The following AKAIN1 variants were observed in gnomAD, a reference collection of about 807,000 sequenced individuals.
AKAIN1 encodes the protein A-kinase anchor protein inhibitor 1.
Under a neutral mutation model 3.7 loss-of-function variants are expected in AKAIN1, and 3 were observed. The observed-to-expected ratio is 0.82, with a 90% confidence interval of 0.37 to 2.12. The LOEUF is 2.12. Ranked by LOEUF, AKAIN1 falls within the 30% of genes most tolerant of loss-of-function variation. The pLI is 0.06. For missense variants in AKAIN1, 82 were observed against 82.7 expected, an observed-to-expected ratio of 0.99 and a Z score of 0.03; for synonymous variants, 31 against 30.8, an observed-to-expected ratio of 1.01 and a Z score of -0.02.
chr18:5,183,854 T>C lies in AKAIN1; in HGVS notation c.16+13184A>G, dbSNP rs185815408. Among the ~76,000 whole-genome samples the C allele has an allele frequency of 8.9e-3, 1,350 of 151,968 alleles. 22 individuals are homozygous for C. Among genetic ancestry groups the C allele is most frequent in the African/African-American group, 0.031 (1,303 of 41,380 alleles). ...GTTTAAAGATACCTTACTTAACATA[T>C]GCTGTTGATTCATTAACATTGATTT... is the stretch of plus-strand genomic sequence containing the variant. On this transcript the variant is annotated intron_variant, in intron 1 of 1. Transcript: ENST00000434239.
Position 5,160,376 on chromosome 18 carries a change from C to T in AKAIN1, c.17-14621G>A, listed in dbSNP as rs1004422126. 3.3e-5 allele frequency among the ~76,000 whole-genome samples: 5 copies of T among 152,252 alleles called. No homozygotes were observed. The South Asian group carries it at 8.3e-4, about 25-fold the overall frequency. Reference sequence around the variant, plus strand: ...CTATTCAGAGATTGATTTATGATGACGATTCCCCTTTTTATGAGGTACCCG... The same window carrying T: ...CTATTCAGAGATTGATTTATGATGATGATTCCCCTTTTTATGAGGTACCCG... On this transcript the variant is annotated intron_variant, in intron 1 of 1. Transcript: ENST00000434239.
intron 1 of AKAIN1, among the ~76,000 whole-genome samples, chr18:5,165,157 T>C (rs762066779): frequency 2.6e-5 from 4 of 151,954 alleles, no homozygotes; most frequent in Non-Finnish European, 5.9e-5. Flanking sequence ...CAAGGGCCCA[T>C]TAAAAGAGAT....
chr18:5,192,931 T>A (rs2071330131), intron 1 of AKAIN1, among the ~76,000 whole-genome samples: 1 of 152,192 alleles, frequency 6.6e-6, no homozygotes, highest in Non-Finnish European at 1.5e-5. Flanking sequence ...AAAGCCAATT[T>A]TTCTGTATGT....
intron 1 of AKAIN1, among the ~76,000 whole-genome samples, chr18:5,181,360 A>G (rs2007842): frequency 0.49 from 74,886 of 151,982 alleles, 18,674 homozygotes; most frequent in Middle Eastern, 0.55. Context: ...TTGTCTGCTC[A>G]TTGCAGCAAA....
Position 5,183,158 on chromosome 18 carries a change from C to T in AKAIN1, c.16+13880G>A, listed in dbSNP as rs148925906. 2.3e-3 allele frequency among the ~76,000 whole-genome samples: 349 copies of T among 151,998 alleles called. 5 individuals are homozygous for T. The South Asian group carries it at 0.026, about 11-fold the overall frequency. ...GAAAGGAAAAATATAAATAATGGCA[C>T]CTTTTGCTCTATGTCTTTTTTAAAA... On this transcript the variant is annotated intron_variant, in intron 1 of 1. Coordinates refer to ENST00000434239, the MANE Select transcript of AKAIN1 (RefSeq NM_001145194.2).
At chr18:5,156,430 G>T (rs2143321668) in intron 1 of AKAIN1, among the ~76,000 whole-genome samples, 1 of 152,224 alleles carries the variant, frequency 6.6e-6, no homozygotes, top group East Asian at 1.9e-4. Flanking sequence ...TTAGTCCCTG[G>T]AGGAAGTGAG....
intron 1 of AKAIN1, among the ~76,000 whole-genome samples, chr18:5,165,695 G>C (rs1480837420): frequency 6.6e-6 from 1 of 151,966 alleles, no homozygotes; most frequent in Non-Finnish European, 1.5e-5. Flanking sequence ...TAAAAGGAAG[G>C]CATGATATCA....
intron 1 of AKAIN1, among the ~76,000 whole-genome samples, chr18:5,187,972 G>A (rs942735135): frequency 6.6e-6 from 1 of 152,056 alleles, no homozygotes; most frequent in Non-Finnish European, 1.5e-5. Flanking sequence ...GCAATGGTAG[G>A]ACATGCATAG....
chr18:5,197,526 C>T (rs1042227067), upstream of AKAIN1: 32 of 573,332 alleles, frequency 5.6e-5, no homozygotes, highest in Admixed American at 9.4e-5. The surrounding 1 kb of genome is among the most constrained non-coding windows in gnomAD (Gnocchi z 6.9). Flanking sequence ...ACTCTAAGAG[C>T]TTTCTTTACT....
rs1289070975 is a variant in AKAIN1 at position 5,197,190 on chromosome 18, G to A, written c.-137C>T. On this transcript the variant is annotated 5_prime_UTR_variant, in exon 1 of 2. Transcript: ENST00000434239. This position sits in a 1 kb window ranked among gnomAD's most constrained non-coding sequence, Gnocchi z 6.9. ...CGGCGGGCGGGGCGGTCAGCACCCC[G>A]GACAGCTCCCGCCGCTAGATCCTGG... is the stretch of plus-strand genomic sequence containing the variant. The A allele has an allele frequency of 2.1e-6, 3 of 1,457,850 alleles. No homozygotes were observed. Among genetic ancestry groups the A allele is most frequent in the Admixed American group, 4.7e-5 (2 of 42,238 alleles). The allele number at this position is 1,457,850 out of a possible 1,614,324, so 90.3% of individuals were successfully genotyped here. A position where few individuals can be genotyped will look rare whatever the true frequency, so the allele number is the denominator to read the frequency against.
At chr18:5,156,128 A>C (rs1212064638) in intron 1 of AKAIN1, among the ~76,000 whole-genome samples, 1 of 152,186 alleles carries the variant, frequency 6.6e-6, no homozygotes, top group Non-Finnish European at 1.5e-5. Context: ...CAGAACTCTT[A>C]AATATTTAAC....
intron 1 of AKAIN1, among the ~76,000 whole-genome samples, chr18:5,183,562 T>C (rs2143024208): frequency 6.6e-6 from 1 of 151,358 alleles, no homozygotes; most frequent in South Asian, 2.1e-4. Context: ...CTGTATGCAG[T>C]TGATTTAAAA....
intron 1 of AKAIN1, among the ~76,000 whole-genome samples, chr18:5,173,239 C>A (rs1021395361): frequency 2.0e-5 from 3 of 152,134 alleles, no homozygotes; most frequent in Admixed American, 6.5e-5. Flanking sequence ...GTAGAATTAA[C>A]CAAAACTTTA....
intron 1 of AKAIN1, among the ~76,000 whole-genome samples, chr18:5,189,657 A>T (rs1410483635): frequency 1.3e-5 from 2 of 151,952 alleles, no homozygotes. Flanking sequence ...CTTCATTTTC[A>T]TCTGAGGCCT....
intron 1 of AKAIN1, among the ~76,000 whole-genome samples, chr18:5,165,699 G>A (rs1158456208): frequency 1.3e-5 from 2 of 152,012 alleles, no homozygotes; most frequent in East Asian, 3.9e-4. Context: ...AGGAAGGCAT[G>A]ATATCAGGAT....
Position 5,144,677 on chromosome 18 carries a change from G to A in AKAIN1, c.*885C>T, listed in dbSNP as rs775356054. ...ATAGCCTAGTGGCAAAACAGCATTC[G>A]TTAAGGACCCCAGAATCCCTTCCAA... On this transcript the variant is annotated 3_prime_UTR_variant, in exon 2 of 2. Transcript: ENST00000434239. 3.3e-5 allele frequency among the ~76,000 whole-genome samples: 5 copies of A among 152,168 alleles called. No individual in the cohort carries two copies. The highest frequency in any genetic ancestry group is 9.7e-5 in the African/African-American group (4 of 41,426).
intron 1 of AKAIN1, among the ~76,000 whole-genome samples, chr18:5,183,088 C>A (rs574665723): frequency 1.3e-5 from 2 of 152,058 alleles, no homozygotes; most frequent in African/African-American, 4.8e-5. Flanking sequence ...CCTGGTTCTG[C>A]AAACTAAAAT....
intron 1 of AKAIN1, among the ~76,000 whole-genome samples, chr18:5,170,320 C>G (rs1414602766): frequency 3.3e-5 from 5 of 152,092 alleles, no homozygotes; most frequent in Admixed American, 6.6e-5. Flanking sequence ...ATTTAGAGGT[C>G]TATTTATGTG....
rs1199240252 is a variant in AKAIN1 at position 5,145,705 on chromosome 18, T to C, written c.67A>G (p.Lys23Glu). ...PEEVKLQNAS[K>E]QIVQNAILQA... ...AGGATTGCATTCTGCACAATCTGTT[T>C]GCTGGCATTCTGCAGCTTCACCTCT... The change falls in exon 2 of 2, where the codon AAA (lysine) becomes GAA (glutamate). Residue 23 changes from lysine to glutamate, a missense_variant. Lys to Glu is a moderately conservative substitution (Grantham distance 56). Coordinates refer to ENST00000434239, the MANE Select transcript of AKAIN1 (RefSeq NM_001145194.2). 1.3e-6 allele frequency: 2 copies of C among 1,551,618 alleles called. No individual in the cohort carries two copies. Among genetic ancestry groups the C allele is most frequent in the East Asian group, 4.9e-5 (2 of 40,922 alleles).
Sources: allele counts gnomAD v4.1 joint callset (sites outside exome capture counted in the v4.1 genomes callset), GRCh38; gene constraint gnomAD v4.1.1; non-coding constraint Gnocchi (gnomAD v3.1); transcripts MANE v1.5; gene names NCBI Gene and HGNC (gene_info 2026-07-23, HGNC 2026-07-21).